Variants in PIK3C3 observed in about 807,000 individuals in gnomAD.
PIK3C3 encodes the protein phosphatidylinositol 3-kinase catalytic subunit type 3, also known as PI3-kinase type 3.
Under a neutral mutation model 126.1 loss-of-function variants are expected in PIK3C3, and 95 were observed. That is an observed-to-expected ratio of 0.75 (90% CI 0.64 to 0.89). The LOEUF is 0.89. Ranked by LOEUF, PIK3C3 falls within the 40% of genes least tolerant of loss-of-function variation. The probability of loss-of-function intolerance (pLI) is 0.00; values close to 1 mark genes in which losing one functional copy is unlikely to be tolerated. For synonymous variants in PIK3C3, 374 were observed against 360.0 expected (o/e 1.04, Z -0.44); for missense variants, 829 against 1,063.2 (o/e 0.78, Z 3.06).
intron 18 of PIK3C3, among the ~76,000 whole-genome samples, chr18:42,040,329 A>G (rs1424854310): frequency 6.6e-6 from 1 of 152,022 alleles, no homozygotes; most frequent in African/African-American, 2.4e-5. Context: ...GTGATTTTAA[A>G]TTTGGAATAT....
At chr18:41,959,538 C>T (rs980057437) in intron 2 of PIK3C3, among the ~76,000 whole-genome samples, 3 of 152,004 alleles carry the variant, frequency 2.0e-5, no homozygotes, top group Admixed American at 6.6e-5. Flanking sequence ...TAAAATACCA[C>T]GAGAATAGGC....
chr18:42,078,990 G>A (rs1986137996), intron 24 of PIK3C3, among the ~76,000 whole-genome samples: 1 of 152,180 alleles, frequency 6.6e-6, no homozygotes, highest in Non-Finnish European at 1.5e-5. Context: ...CTCCATATCA[G>A]CAATAAAGCT....
chr18:42,009,708 A>G (rs1982724026), intron 10 of PIK3C3, among the ~76,000 whole-genome samples: 1 of 147,990 alleles, frequency 6.8e-6, no homozygotes, highest in African/African-American at 2.6e-5. Flanking sequence ...TGTAATGCTT[A>G]CATTATGTAA....
intron 14 of PIK3C3, 151 bp from the exon 15 acceptor site, chr18:42,029,174 T>C: frequency 1.8e-6 from 1 of 555,028 alleles, no homozygotes; most frequent in Non-Finnish European, 3.3e-6. Context: ...AGGTTTCTTG[T>C]TATTTTTGAA....
Position 42,023,450 on chromosome 18 carries a change from C to T in PIK3C3, c.1484+2745C>T, listed in dbSNP as rs549884316. ...ATAAGCAAAGTACAGCCCCAGTTCC[C>T]AGTCTTATAAACATTCAATCAAACT... is the stretch of plus-strand genomic sequence containing the variant. On this transcript the variant is annotated intron_variant, in intron 13 of 24. Transcript: ENST00000262039. 2.8e-4 allele frequency among the ~76,000 whole-genome samples: 43 copies of T among 152,322 alleles called. No homozygotes were observed. In the South Asian group the frequency reaches 7.5e-3, roughly 26 times the overall value.
Position 41,995,950 on chromosome 18 carries a change from G to C in PIK3C3, c.847G>C (p.Asp283His), listed in dbSNP as rs750103454. 1.9e-6 allele frequency: 3 copies of C among 1,612,914 alleles called. No homozygotes were observed. Among genetic ancestry groups the C allele is most frequent in the African/African-American group, 2.7e-5 (2 of 74,850 alleles). Residue 283 changes from aspartate to histidine, a missense_variant, in exon 8 of 25, where the codon GAC (aspartate) becomes CAC (histidine). Asp to His is a moderately conservative substitution (Grantham distance 81, BLOSUM62 -1). This residue lies in a region of PIK3C3 where 313 missense variants were observed against 340.7 expected (regional missense o/e 0.92). Transcript: ENST00000262039. ...LARSLRSGPS[D>H]HDLKPNAATR... ...CCGGAGTTTAAGAAGTGGACCTTCT[G>C]ACCACGATCTGAAACCCAATGCTGC... is the stretch of plus-strand genomic sequence containing the variant.
chr18:42,060,767 ACT>A (rs1043948179), intron 22 of PIK3C3, among the ~76,000 whole-genome samples: 3 of 152,066 alleles, frequency 2.0e-5, no homozygotes, highest in African/African-American at 7.2e-5. Flanking sequence ...ATAGAGCAAG[ACT>A]CTGTCTCAAA....
rs998438344 is a variant in PIK3C3, at chr18:42,081,697, A to G, written c.*560A>G. The G allele has an allele frequency of 6.6e-6, 1 of 152,320 alleles. No homozygotes were observed. Among genetic ancestry groups the G allele is most frequent in the Non-Finnish European group, 1.5e-5 (1 of 68,160 alleles). 9.4% of individuals were successfully genotyped at this position (152,320 alleles called of 1,614,324 possible). A position where few individuals can be genotyped will look rare whatever the true frequency, so the allele number is the denominator to read the frequency against. ...GTGATGGCTCATTCTTCTGCAGTTC[A>G]AGAATTGCTTATATTTTTAGAAGAT... On this transcript the variant is annotated 3_prime_UTR_variant, in exon 25 of 25. Transcript: ENST00000262039.
chr18:41,999,871 G>T (rs1982199737), intron 9 of PIK3C3, among the ~76,000 whole-genome samples: 1 of 152,000 alleles, frequency 6.6e-6, no homozygotes, highest in Admixed American at 6.6e-5. Context: ...TTTTTATGGG[G>T]CAGGAAAGCA....
At chr18:42,015,446 T>G in intron 11 of PIK3C3, 30 bp from the exon 12 acceptor site, 1 of 1,530,746 alleles carries the variant, frequency 6.5e-7, no homozygotes, top group Non-Finnish European at 9.0e-7. Context: ...GTATTTTACA[T>G]CTCAGTGATC....
At position 41,989,084 on chromosome 18, in the gene PIK3C3, C is replaced by T. The variant is rs563210902; in HGVS notation, c.618+1186C>T. Among the ~76,000 whole-genome samples, 16 of 151,744 alleles carry T rather than the reference C, an allele frequency of 1.1e-4. No homozygotes were observed. The South Asian group carries it at 2.7e-3, about 26-fold the overall frequency. The stretch of plus-strand genomic sequence containing the variant: ...TTCAGACCTTTATCATTTATTATTT[C>T]TTTTTTTTGTTTGTTTTTTTTGGGG... On this transcript the variant is annotated intron_variant, in intron 5 of 24. Coordinates refer to ENST00000262039, the MANE Select transcript of PIK3C3 (RefSeq NM_002647.4).
chr18:42,005,437 G>A (rs919567854), intron 10 of PIK3C3, among the ~76,000 whole-genome samples: 1 of 152,202 alleles, frequency 6.6e-6, no homozygotes, highest in Admixed American at 6.5e-5. Flanking sequence ...GACTGTTCAT[G>A]TAAGGCCATC....
intron 7 of PIK3C3, 112 bp downstream of exon 7, chr18:41,993,453 T>A: frequency 1.5e-6 from 1 of 653,310 alleles, no homozygotes; most frequent in Non-Finnish European, 2.7e-6. Flanking sequence ...CTCCGTTACC[T>A]AAAAGTGATT....
rs377155900 is a variant in PIK3C3 at position 41,987,793 on chromosome 18, C to T, written c.532-19C>T. 3.2e-6 allele frequency: 5 copies of T among 1,577,350 alleles called. No individual in the cohort carries two copies. The East Asian group carries it at 9.0e-5, about 29-fold the overall frequency. On this transcript the variant is annotated intron_variant, in intron 4 of 24. Transcript: ENST00000262039. Reference sequence around the variant, plus strand: ...ACTAGATGTATATTAAAATTTTCGTCATTGTATTTATTCTGCAGCTCACCA... The same window carrying T: ...ACTAGATGTATATTAAAATTTTCGTTATTGTATTTATTCTGCAGCTCACCA...
intron 16 of PIK3C3, among the ~76,000 whole-genome samples, chr18:42,034,596 C>G (rs763105862): frequency 2.0e-5 from 3 of 152,066 alleles, no homozygotes; most frequent in African/African-American, 7.2e-5. Context: ...AGTAGCATAC[C>G]AGGCTTGGTG....
chr18:41,959,191 G>T (rs572069062), intron 2 of PIK3C3, among the ~76,000 whole-genome samples: 2 of 152,220 alleles, frequency 1.3e-5, no homozygotes, highest in Admixed American at 6.5e-5. Flanking sequence ...GGTCTAGAAG[G>T]CCAAAAACAT....
chr18:42,038,233 C>T (rs1334592110), intron 17 of PIK3C3, among the ~76,000 whole-genome samples: 1 of 152,052 alleles, frequency 6.6e-6, no homozygotes, highest in Non-Finnish European at 1.5e-5. Context: ...GTGATAGCAA[C>T]AACCCTATTG....
intron 4 of PIK3C3, among the ~76,000 whole-genome samples, chr18:41,975,422 A>C (rs1351321231): frequency 6.6e-6 from 1 of 152,154 alleles, no homozygotes; most frequent in African/African-American, 2.4e-5. Flanking sequence ...TGGCTACAAG[A>C]TATCTATTGG....
chr18:42,017,337 A>G (rs1389155139), intron 12 of PIK3C3, among the ~76,000 whole-genome samples: 1 of 152,114 alleles, frequency 6.6e-6, no homozygotes, highest in Non-Finnish European at 1.5e-5. Flanking sequence ...TGTCTGGCCA[A>G]ATGTTTGAAA....
Sources: gnomAD v4.1 joint callset for allele counts (sites outside exome capture counted in the v4.1 genomes callset) on GRCh38, gnomAD v4.1.1 for gene constraint, gnomAD v4.1.1 regional missense constraint, MANE v1.5 for transcripts, NCBI Gene and HGNC (gene_info 2026-07-23, HGNC 2026-07-21) for gene names.